The following ATXN1 variants were observed in gnomAD, a reference collection of about 807,000 sequenced individuals.
The protein encoded by ATXN1 is ataxin-1.
ATXN1 carries 8 observed loss-of-function variants against 56.4 expected under a neutral mutation model. The ratio of observed to expected loss-of-function variants is 0.14; its 90% CI spans 0.08 to 0.26. ATXN1 has a LOEUF of 0.26. Among genes scored for constraint, ATXN1 ranks in the 10% least tolerant of loss-of-function variants. The probability of loss-of-function intolerance (pLI) is 1.00; values close to 1 mark genes in which losing one functional copy is unlikely to be tolerated. For missense variants in ATXN1, 987 were observed against 1,106.5 expected (o/e 0.89, Z 1.53); for synonymous variants, 514 against 494.6 (o/e 1.04, Z -0.52).
chr6:16,757,635 A>G (rs1581429142), intron 1 of ATXN1, among the ~76,000 whole-genome samples: 1 of 152,148 alleles, frequency 6.6e-6, no homozygotes, highest in Non-Finnish European at 1.5e-5. Context: ...GCCCTGGGGG[A>G]AAAAATTTAC....
intron 6 of ATXN1, among the ~76,000 whole-genome samples, chr6:16,468,663 T>C (rs1275133750): frequency 6.6e-6 from 1 of 152,192 alleles, no homozygotes; most frequent in Non-Finnish European, 1.5e-5. Context: ...TACAAATCAA[T>C]GCAAAGCAAA....
rs1456834292 is a variant in ATXN1 at position 16,300,862 on chromosome 6, A to T, written c.*5467T>A. On this transcript the variant is annotated 3_prime_UTR_variant, in exon 8 of 8. Transcript: ENST00000436367. ...TTTAGACTAAGAAGGGAGCTCAGAG[A>T]AGTACTTTCAGCATAGGAATGAACA... is the stretch of plus-strand genomic sequence containing the variant. 2 of 152,636 alleles carry T rather than the reference A, an allele frequency of 1.3e-5. No homozygotes were observed. Among genetic ancestry groups the T allele is most frequent in the Non-Finnish European group, 2.9e-5 (2 of 68,050 alleles). 9.5% of individuals were successfully genotyped at this position (152,636 alleles called of 1,614,324 possible). A position where few individuals can be genotyped will look rare whatever the true frequency, so the allele number is the denominator to read the frequency against.
At chr6:16,573,038 C>T (rs1762360097) in intron 4 of ATXN1, among the ~76,000 whole-genome samples, 1 of 152,154 alleles carries the variant, frequency 6.6e-6, no homozygotes, top group Non-Finnish European at 1.5e-5. Context: ...CTGTTCATGG[C>T]TACTGCTAGG....
At chr6:16,513,925 T>C (rs1346490768) in intron 5 of ATXN1, among the ~76,000 whole-genome samples, 2 of 152,192 alleles carry the variant, frequency 1.3e-5, no homozygotes, top group Non-Finnish European at 2.9e-5. Flanking sequence ...TCTCTCCCAG[T>C]AGCATCTTTC....
intron 5 of ATXN1, among the ~76,000 whole-genome samples, chr6:16,496,772 A>G (rs913237645): frequency 6.6e-6 from 1 of 152,052 alleles, no homozygotes; most frequent in Admixed American, 6.6e-5. Context: ...ACCTCTCTTT[A>G]AGACTAAATA....
At chr6:16,686,878 T>A (rs879583022) in intron 2 of ATXN1, among the ~76,000 whole-genome samples, 2 of 152,228 alleles carry the variant, frequency 1.3e-5, no homozygotes, top group Non-Finnish European at 2.9e-5. Flanking sequence ...GGAGCATATT[T>A]ACAAAATTAT....
chr6:16,349,159 G>C (rs1480058309), intron 6 of ATXN1, among the ~76,000 whole-genome samples: 1 of 152,130 alleles, frequency 6.6e-6, no homozygotes, highest in African/African-American at 2.4e-5. Context: ...TCTAAGAAAG[G>C]CCCTCTTCTC....
intron 6 of ATXN1, among the ~76,000 whole-genome samples, chr6:16,473,229 T>C (rs1760256955): frequency 6.6e-6 from 1 of 152,138 alleles, no homozygotes; most frequent in Non-Finnish European, 1.5e-5. Context: ...AACATTTGAG[T>C]TATAACCCCA....
chr6:16,728,941 T>G (rs1268218803), intron 2 of ATXN1, among the ~76,000 whole-genome samples: 1 of 152,158 alleles, frequency 6.6e-6, no homozygotes, highest in Non-Finnish European at 1.5e-5. Context: ...TACTAAGAAT[T>G]TTTAAGGTGC....
chr6:16,671,221 G>C (rs542890589), intron 2 of ATXN1, among the ~76,000 whole-genome samples: 1 of 151,884 alleles, frequency 6.6e-6, no homozygotes, highest in Non-Finnish European at 1.5e-5. Flanking sequence ...TTTGTAATAA[G>C]AAGTATCTGC....
At chr6:16,636,545 C>T (rs1763600692) in intron 3 of ATXN1, among the ~76,000 whole-genome samples, 1 of 152,232 alleles carries the variant, frequency 6.6e-6, no homozygotes, top group African/African-American at 2.4e-5. Context: ...GATGCATGGG[C>T]ACCTTCTGCC....
intron 3 of ATXN1, among the ~76,000 whole-genome samples, chr6:16,592,438 C>T (rs1009011439): frequency 6.6e-6 from 1 of 152,128 alleles, no homozygotes; most frequent in Non-Finnish European, 1.5e-5. Context: ...CCACGTGTTG[C>T]TCAGAAAAGA....
chr6:16,547,140 C>T (rs984934238), intron 4 of ATXN1, among the ~76,000 whole-genome samples: 3 of 152,172 alleles, frequency 2.0e-5, no homozygotes, highest in African/African-American at 2.4e-5. Context: ...AATATTCTCA[C>T]GAAAGTGTCC....
chr6:16,515,188 C>G (rs1761157401), intron 5 of ATXN1, among the ~76,000 whole-genome samples: 1 of 152,052 alleles, frequency 6.6e-6, no homozygotes, highest in Non-Finnish European at 1.5e-5. Context: ...CACAGTAGTT[C>G]TCAAAACCTT....
chr6:16,680,689 G>C (rs1393896018), intron 2 of ATXN1, among the ~76,000 whole-genome samples: 1 of 152,142 alleles, frequency 6.6e-6, no homozygotes, highest in East Asian at 1.9e-4. Flanking sequence ...GTTTTTCACT[G>C]TTATATACAA....
chr6:16,508,240 G>A (rs890490428), intron 5 of ATXN1, among the ~76,000 whole-genome samples: 1 of 152,180 alleles, frequency 6.6e-6, no homozygotes, highest in Non-Finnish European at 1.5e-5. Flanking sequence ...TTCAAAACGT[G>A]AGGAAGATAC....
chr6:16,727,855 C>G (rs1759884519), intron 2 of ATXN1, among the ~76,000 whole-genome samples: 1 of 152,230 alleles, frequency 6.6e-6, no homozygotes. Flanking sequence ...ACCGTTTCCT[C>G]CATTTACCAA....
chr6:16,306,375 T>G lies in ATXN1; in HGVS notation c.2402A>C (p.Gln801Pro), dbSNP rs773499058. The change falls in exon 8 of 8, where the codon CAG becomes CCG. Residue 801 changes from glutamine to proline, a missense_variant. Coordinates refer to ENST00000436367, the MANE Select transcript of ATXN1 (RefSeq NM_001128164.2). The surrounding 1 kb of genome is among the most constrained non-coding windows in gnomAD (Gnocchi z 5.2). Reference protein sequence around the residue: ...LTLPKPSLIPQEVKICIEGRS... With the variant: ...LTLPKPSLIPPEVKICIEGRS... Reference sequence around the variant, plus strand: ...GCCTTCAATGCAAATCTTAACCTCCTGAGGAATTAGAGAAGGCTTAGGAAG... The same window carrying G: ...GCCTTCAATGCAAATCTTAACCTCCGGAGGAATTAGAGAAGGCTTAGGAAG... 10 of 1,613,782 alleles carry G rather than the reference T, an allele frequency of 6.2e-6. No homozygotes were observed. Among genetic ancestry groups the G allele is most frequent in the Non-Finnish European group, 8.5e-6 (10 of 1,179,914 alleles).
chr6:16,743,067 G>A (rs1760397389), intron 2 of ATXN1, among the ~76,000 whole-genome samples: 1 of 152,150 alleles, frequency 6.6e-6, no homozygotes, highest in Non-Finnish European at 1.5e-5. Flanking sequence ...TTCATTCGAT[G>A]CAATAGCTGC....
Sources: gnomAD v4.1 joint callset for allele counts (sites outside exome capture counted in the v4.1 genomes callset) on GRCh38, gnomAD v4.1.1 for gene constraint, Gnocchi (gnomAD v3.1) non-coding constraint, MANE v1.5 for transcripts, NCBI Gene and HGNC (gene_info 2026-07-23, HGNC 2026-07-21) for gene names.